ZFAT: variants seen among roughly 807,000 people sequenced by gnomAD.
ZFAT encodes zinc finger protein ZFAT.
In ZFAT, 64 loss-of-function variants were observed where a neutral mutation model predicts 117.7. The observed-to-expected ratio is 0.54, with a 90% confidence interval of 0.44 to 0.67. The LOEUF (loss-of-function observed/expected upper bound fraction) is 0.67. Ranked by LOEUF, ZFAT falls within the 30% of genes least tolerant of loss-of-function variation. ZFAT has a pLI of 0.00. For missense variants in ZFAT, 1,433 were observed against 1,584.5 expected, an observed-to-expected ratio of 0.90 and a Z score of 1.62; for synonymous variants, 679 against 615.0, an observed-to-expected ratio of 1.10 and a Z score of -1.54.
chr8:134,522,649 C>T (rs1390536397), intron 12 of ZFAT, among the ~76,000 whole-genome samples: 7 of 152,290 alleles, frequency 4.6e-5, no homozygotes, highest in Non-Finnish European at 1.0e-4. Flanking sequence ...CTCAAACCTG[C>T]CTGGCAAATC....
At chr8:134,537,392 G>A (rs576519593) in intron 11 of ZFAT, among the ~76,000 whole-genome samples, 2 of 152,218 alleles carry the variant, frequency 1.3e-5, no homozygotes, top group Non-Finnish European at 2.9e-5. Flanking sequence ...AGGGGCACAG[G>A]TTGGTATTCT....
At chr8:134,788,349 ATT>A in the ZFAT span, among the ~76,000 whole-genome samples, 3 of 152,078 alleles carry the variant, frequency 2.0e-5, no homozygotes, top group Admixed American at 1.3e-4. Context: ...ATATTTTTAA[ATT>A]TGTTTTATTC....
intron 2 of ZFAT, among the ~76,000 whole-genome samples, chr8:134,651,042 G>T (rs1020077464): frequency 6.6e-6 from 1 of 152,236 alleles, no homozygotes; most frequent in East Asian, 1.9e-4. Flanking sequence ...TGTTGGCAAC[G>T]ATGTGGAGAA....
the ZFAT span, among the ~76,000 whole-genome samples, chr8:134,744,679 A>C: frequency 6.6e-6 from 1 of 151,706 alleles, no homozygotes; most frequent in African/African-American, 2.4e-5. Flanking sequence ...AGTCAGCAGG[A>C]AAATCTTTTG....
chr8:134,804,427 C>T, the ZFAT span, among the ~76,000 whole-genome samples: 1 of 152,092 alleles, frequency 6.6e-6, no homozygotes, highest in Non-Finnish European at 1.5e-5. Context: ...AAATGTTGCA[C>T]ACACATCTCT....
the ZFAT span, among the ~76,000 whole-genome samples, chr8:134,718,488 C>A: frequency 6.6e-6 from 1 of 152,046 alleles, no homozygotes; most frequent in East Asian, 1.9e-4. Flanking sequence ...CAGATTAAGA[C>A]CTGTCTCAAA....
chr8:134,784,847 T>C, the ZFAT span: 1 of 152,202 alleles, frequency 6.6e-6, no homozygotes, highest in African/African-American at 2.4e-5. Context: ...TGTAGTTTTT[T>C]TTCCCTCTCT....
the ZFAT span, among the ~76,000 whole-genome samples, chr8:134,803,463 T>C: frequency 1.3e-5 from 2 of 152,188 alleles, no homozygotes; most frequent in African/African-American, 4.8e-5. Context: ...ATCTGCTTTA[T>C]TTAGAGTTCA....
the ZFAT span, among the ~76,000 whole-genome samples, chr8:134,731,284 A>G: frequency 1.3e-5 from 2 of 152,274 alleles, no homozygotes; most frequent in African/African-American, 2.4e-5. Flanking sequence ...CGCCAAACAC[A>G]TATATGAGAA....
At chr8:134,488,004 C>T (rs1817773251) in intron 15 of ZFAT, among the ~76,000 whole-genome samples, 1 of 152,214 alleles carries the variant, frequency 6.6e-6, no homozygotes, top group South Asian at 2.1e-4. Context: ...AGACGCCCCA[C>T]CAGGACTTGA....
chr8:134,487,550 C>T (rs543201757), intron 15 of ZFAT, among the ~76,000 whole-genome samples: 1 of 152,290 alleles, frequency 6.6e-6, no homozygotes, highest in South Asian at 2.1e-4. Flanking sequence ...TCACGGCTTC[C>T]TGTAACCTTC....
chr8:134,550,446 A>G (rs1474799408), intron 11 of ZFAT, among the ~76,000 whole-genome samples: 1 of 152,232 alleles, frequency 6.6e-6, no homozygotes, highest in African/African-American at 2.4e-5. Flanking sequence ...ATTTAAGAGA[A>G]TAAATGTTTT....
chr8:134,712,820 C>CAA, intron 1 of ZFAT, 25 bp downstream of exon 1: 1 of 868,876 alleles, frequency 1.2e-6, no homozygotes, highest in Non-Finnish European at 1.7e-6. Context: ...CACCCCGTCT[C>CAA]ACCCCAACCC....
chr8:134,579,054 C>T (rs900106830), intron 10 of ZFAT, among the ~76,000 whole-genome samples: 1 of 152,208 alleles, frequency 6.6e-6, no homozygotes, highest in Non-Finnish European at 1.5e-5. Flanking sequence ...TACTTACAAT[C>T]TCTTTACAAA....
intron 3 of ZFAT, among the ~76,000 whole-genome samples, chr8:134,615,526 G>C (rs1261263932): frequency 6.6e-6 from 1 of 152,078 alleles, no homozygotes; most frequent in African/African-American, 2.4e-5. Flanking sequence ...CCACTACCTA[G>C]AGCAGGGACC....
intron 2 of ZFAT, among the ~76,000 whole-genome samples, chr8:134,643,561 G>C (rs537592308): frequency 1.3e-5 from 2 of 152,164 alleles, no homozygotes; most frequent in Non-Finnish European, 2.9e-5. Flanking sequence ...ATCTCTCTTT[G>C]ACAGGTGACA....
At chr8:134,813,333 A>T in the ZFAT span, among the ~76,000 whole-genome samples, 1 of 152,232 alleles carries the variant, frequency 6.6e-6, no homozygotes, top group Non-Finnish European at 1.5e-5. Context: ...GATAACCGAG[A>T]TGGGCAGCCT....
intron 1 of ZFAT, among the ~76,000 whole-genome samples, chr8:134,688,875 T>C (rs1200679552): frequency 1.3e-5 from 2 of 152,182 alleles, no homozygotes; most frequent in African/African-American, 2.4e-5. Flanking sequence ...CATTTGTTCA[T>C]GAGACGTGTC....
the ZFAT span, among the ~76,000 whole-genome samples, chr8:134,825,074 T>A: frequency 6.6e-6 from 1 of 152,244 alleles, no homozygotes; most frequent in Non-Finnish European, 1.5e-5. Flanking sequence ...GAAATCTAAA[T>A]GTGATTACTA....
Sources: allele counts gnomAD v4.1 joint callset (sites outside exome capture counted in the v4.1 genomes callset), GRCh38; gene constraint gnomAD v4.1.1; transcripts MANE v1.5; gene names NCBI Gene and HGNC (gene_info 2026-07-23, HGNC 2026-07-21).